Variants in CACNA1A observed in about 807,000 individuals in gnomAD.
CACNA1A encodes calcium voltage-gated channel subunit alpha1 A.
A neutral mutation model predicts 262.4 loss-of-function variants in CACNA1A; 57 were observed. That is an observed-to-expected ratio of 0.22 (90% CI 0.18 to 0.27). The LOEUF is 0.27. Among genes scored for constraint, CACNA1A ranks in the 10% least tolerant of loss-of-function variants. The probability of loss-of-function intolerance (pLI) is 1.00; values close to 1 mark genes in which losing one functional copy is unlikely to be tolerated. For synonymous variants in CACNA1A, 1,431 were observed against 1,419.3 expected (o/e 1.01, Z -0.18); for missense variants, 2,526 against 3,562.8 (o/e 0.71, Z 7.41).
chr19:13,487,916 C>G (rs1156778859), intron 1 of CACNA1A, among the ~76,000 whole-genome samples: 1 of 151,842 alleles, frequency 6.6e-6, no homozygotes, highest in Non-Finnish European at 1.5e-5. Flanking sequence ...AGGGATCCCC[C>G]CACCTCGGCC....
At chr19:13,277,228 C>T in intron 22 of CACNA1A, 100 bp from the exon 23 acceptor site, 1 of 795,108 alleles carries the variant, frequency 1.3e-6, no homozygotes, top group Non-Finnish European at 2.1e-6. Flanking sequence ...AGTTTCTACC[C>T]AGAAGAGGAA....
intron 24 of CACNA1A, among the ~76,000 whole-genome samples, chr19:13,270,596 A>G (rs957871694): frequency 3.3e-5 from 5 of 152,234 alleles, no homozygotes; most frequent in Admixed American, 1.3e-4. Context: ...AAAACTTTTT[A>G]GGGAAAAAAG....
At chr19:13,283,475 A>C (rs1600239140) in intron 21 of CACNA1A, 79 bp from the exon 22 acceptor site, 1 of 1,554,656 alleles carries the variant, frequency 6.4e-7, no homozygotes. Flanking sequence ...ATCTCATGTT[A>C]CCTACCACTA....
At chr19:13,243,841 G>A (rs997743867) in intron 31 of CACNA1A, 1 of 152,496 alleles carries the variant, frequency 6.6e-6, no homozygotes, top group East Asian at 1.9e-4. Context: ...TTACAGGCAT[G>A]AGCCACCGTG....
At position 13,209,449 on chromosome 19, in the gene CACNA1A, G is replaced by C; in HGVS notation, c.6389C>G (p.Pro2130Arg). ...PMKRSASVLG[P>R]KARRLDDYSL... ...GTAATCGTCCAGGCGTCGGGCCTTGGGGCCCAGCACGGAGGCTGAACGCTT... is the reference window on the plus strand; with the variant it reads ...GTAATCGTCCAGGCGTCGGGCCTTGCGGCCCAGCACGGAGGCTGAACGCTT... The change falls in exon 45 of 47, where the codon CCC (proline) becomes CGC (arginine). Residue 2130 changes from proline (P) to arginine (R), a missense_variant. Transcript: ENST00000360228. 7.3e-7 allele frequency: 1 copy of C among 1,379,232 alleles called. No homozygotes were observed. Among genetic ancestry groups the C allele is most frequent in the East Asian group, 2.8e-5 (1 of 36,334 alleles). The allele number at this position is 1,379,232 out of a possible 1,614,324, so 85.4% of individuals were successfully genotyped here.
At chr19:13,219,271 A>T (rs913609520) in intron 38 of CACNA1A, among the ~76,000 whole-genome samples, 5 of 150,534 alleles carry the variant, frequency 3.3e-5, no homozygotes, top group African/African-American at 9.8e-5. Context: ...TGAACTCGTG[A>T]CCTCAAGTGA....
intron 3 of CACNA1A, among the ~76,000 whole-genome samples, chr19:13,421,454 T>A (rs908363879): frequency 2.6e-5 from 4 of 152,080 alleles, no homozygotes; most frequent in Non-Finnish European, 5.9e-5. Flanking sequence ...ACCTCAATTA[T>A]AATACAGGGG....
At position 13,300,774 on chromosome 19, in the gene CACNA1A, G is replaced by C. The variant is rs146432253; in HGVS notation, c.2173-118C>G. On this transcript the variant is annotated intron_variant, in intron 17 of 46. Transcript: ENST00000360228. ...AATATTTCGACCAATCAGAACCAAG[G>C]CTCCCCAATTGGAATGGGTACCTGC... 108 of 812,050 alleles carry C rather than the reference G, an allele frequency of 1.3e-4. No homozygotes were observed. The African/African-American group carries it at 1.4e-3, about 11-fold the overall frequency. The allele number at this position is 812,050 out of a possible 1,614,324, so 50.3% of individuals were successfully genotyped here.
chr19:13,308,257 G>A lies in CACNA1A; in HGVS notation c.1782-6C>T, dbSNP rs201350764. The A allele has an allele frequency of 9.7e-5, 157 of 1,610,732 alleles. No homozygotes were observed. Among genetic ancestry groups the A allele is most frequent in the Admixed American group, 4.4e-4 (26 of 59,744 alleles). The stretch of plus-strand genomic sequence containing the variant: ...TTCTGAGAGATGCCCAGTACCTGCC[G>A]ACAGAGGCCAGGCGAGGACTCAGGC... On this transcript the variant is annotated splice_polypyrimidine_tract_variant and splice_region_variant and intron_variant, in intron 13 of 46. Coordinates refer to ENST00000360228, the MANE Select transcript of CACNA1A (RefSeq NM_001127222.2). The surrounding 1 kb of genome is among the most constrained non-coding windows in gnomAD (Gnocchi z 4.2).
At chr19:13,307,329 G>A (rs1293064519) in intron 15 of CACNA1A, 2 of 154,320 alleles carry the variant, frequency 1.3e-5, no homozygotes, top group South Asian at 2.0e-4. Context: ...CTGCCTCCCA[G>A]GTTCAAGCAA....
intron 1 of CACNA1A, among the ~76,000 whole-genome samples, chr19:13,481,572 T>G (rs1979320719): frequency 6.6e-6 from 1 of 152,066 alleles, no homozygotes; most frequent in Non-Finnish European, 1.5e-5. Flanking sequence ...TTACAGCCGC[T>G]GGGCTGACCC....
At chr19:13,489,350 C>T (rs1400680779) in intron 1 of CACNA1A, among the ~76,000 whole-genome samples, 1 of 152,116 alleles carries the variant, frequency 6.6e-6, no homozygotes, top group East Asian at 1.9e-4. Context: ...TGTGTGGCTA[C>T]TGCCTACCTT....
intron 3 of CACNA1A, among the ~76,000 whole-genome samples, chr19:13,388,955 T>G (rs1366649833): frequency 6.6e-6 from 1 of 152,178 alleles, no homozygotes; most frequent in African/African-American, 2.4e-5. Context: ...CAGGCTGGAG[T>G]GCAGTGGCAC....
intron 1 of CACNA1A, among the ~76,000 whole-genome samples, chr19:13,474,653 C>T (rs1978324780): frequency 1.3e-5 from 2 of 152,110 alleles, no homozygotes; most frequent in South Asian, 4.1e-4. Flanking sequence ...CCCGTCTCTA[C>T]TAAAAATACA....
intron 3 of CACNA1A, among the ~76,000 whole-genome samples, chr19:13,387,795 G>T (rs1329933803): frequency 6.6e-6 from 1 of 152,126 alleles, no homozygotes; most frequent in Non-Finnish European, 1.5e-5. Context: ...AGAGTTTGAG[G>T]CTGCAGTGAG....
At chr19:13,251,353 G>A (rs2056390700) in intron 30 of CACNA1A, among the ~76,000 whole-genome samples, 1 of 150,908 alleles carries the variant, frequency 6.6e-6, no homozygotes, top group Admixed American at 6.6e-5. Flanking sequence ...TGTGGTGGCA[G>A]GCACCTGTAG....
chr19:13,412,432 G>A (rs2144742561), intron 3 of CACNA1A, among the ~76,000 whole-genome samples: 1 of 151,780 alleles, frequency 6.6e-6, no homozygotes, highest in South Asian at 2.1e-4. Flanking sequence ...TGGGTGAAGG[G>A]TATGTGGGAA....
intron 30 of CACNA1A, among the ~76,000 whole-genome samples, chr19:13,249,937 A>G (rs2056351879): frequency 6.6e-6 from 1 of 152,262 alleles, no homozygotes; most frequent in Admixed American, 6.5e-5. Flanking sequence ...AAAGGGATGG[A>G]CTAAGCTGGT....
At chr19:13,471,752 A>G (rs2061350192) in intron 1 of CACNA1A, among the ~76,000 whole-genome samples, 1 of 151,988 alleles carries the variant, frequency 6.6e-6, no homozygotes, top group African/African-American at 2.4e-5. Context: ...ACAAATTTGT[A>G]GTTACCAGGA....
Sources: allele counts gnomAD v4.1 joint callset (sites outside exome capture counted in the v4.1 genomes callset), GRCh38; gene constraint gnomAD v4.1.1; non-coding constraint Gnocchi (gnomAD v3.1); transcripts MANE v1.5; gene names NCBI Gene and HGNC (gene_info 2026-07-23, HGNC 2026-07-21).